PCDH11X: variants seen among roughly 807,000 people sequenced by gnomAD.
PCDH11X encodes protocadherin 11 X-linked.
A neutral mutation model predicts 53.3 loss-of-function variants in PCDH11X; 18 were observed. The observed-to-expected ratio is 0.34, with a 90% CI of 0.23 to 0.50. The LOEUF (loss-of-function observed/expected upper bound fraction) is 0.50. Ranked by LOEUF, PCDH11X falls within the 20% of genes least tolerant of loss-of-function variation. The pLI, the probability that PCDH11X is intolerant of heterozygous loss-of-function variation, is 0.98. For missense variants in PCDH11X, 570 were observed against 1,032.4 expected (o/e 0.55, Z 6.14); for synonymous variants, 279 against 393.3 (o/e 0.71, Z 3.44).
chrX:91,804,956 C>T (rs1165808469), intron 1 of PCDH11X, among the ~76,000 whole-genome samples: 1 of 100,516 alleles, frequency 9.9e-6, no homozygotes, highest in Non-Finnish European at 2.0e-5. Context: ...AGGAAAAATA[C>T]TCATTTCCAT....
chrX:92,479,748 T>A (rs1456081307), intron 10 of PCDH11X, among the ~76,000 whole-genome samples: 1 of 107,013 alleles, frequency 9.3e-6, no homozygotes, highest in Non-Finnish European at 1.9e-5. Context: ...GGTTCTCTTT[T>A]TAGGTGACCT....
At chrX:92,104,234 G>A (rs902534503) in intron 6 of PCDH11X, among the ~76,000 whole-genome samples, 4 of 110,418 alleles carry the variant, frequency 3.6e-5, no homozygotes, top group African/African-American at 1.3e-4. Flanking sequence ...AAGATTATAG[G>A]GTGGAGGAGT....
intron 7 of PCDH11X, among the ~76,000 whole-genome samples, chrX:92,255,336 A>C (rs2067550105): frequency 1.1e-5 from 1 of 94,836 alleles, no homozygotes; most frequent in South Asian, 5.6e-4. Flanking sequence ...CTAGTTATAC[A>C]TTCTTCTAAA....
intron 6 of PCDH11X, among the ~76,000 whole-genome samples, chrX:92,092,040 A>G (rs1206544467): frequency 2.7e-5 from 3 of 111,401 alleles, no homozygotes; most frequent in Non-Finnish European, 5.6e-5. Context: ...CTTCCTTGTT[A>G]TTCCCGAGTC....
intron 6 of PCDH11X, among the ~76,000 whole-genome samples, chrX:92,056,924 T>C (rs1332989818): frequency 1.8e-5 from 2 of 108,562 alleles, no homozygotes; most frequent in African/African-American, 3.3e-5. Context: ...TTATGTGCAT[T>C]TATATTATTA....
chrX:91,824,905 C>A (rs1334363785), intron 4 of PCDH11X, among the ~76,000 whole-genome samples: 1 of 107,184 alleles, frequency 9.3e-6, no homozygotes, highest in African/African-American at 3.7e-5. Context: ...ACAGGACCCT[C>A]AGCTGCAGGT....
intron 8 of PCDH11X, among the ~76,000 whole-genome samples, chrX:92,341,842 C>T (rs189384180): frequency 1.6e-4 from 18 of 111,579 alleles, no homozygotes; most frequent in East Asian, 5.7e-4. Context: ...CAAGTGTGAC[C>T]GAATTAAACT....
chrX:92,558,100 T>C (rs1342030671), intron 10 of PCDH11X, among the ~76,000 whole-genome samples: 2 of 110,806 alleles, frequency 1.8e-5, no homozygotes, highest in Non-Finnish European at 3.8e-5. Flanking sequence ...TCCCACAGCA[T>C]ATGGAGATTA....
chrX:92,609,355 A>G (rs1927128164), intron 10 of PCDH11X, among the ~76,000 whole-genome samples: 1 of 111,585 alleles, frequency 9.0e-6, no homozygotes, highest in Admixed American at 9.5e-5. Flanking sequence ...TCCCTGTGCC[A>G]TTCTGTGTCA....
At chrX:91,936,855 A>C (rs1423246963) in intron 6 of PCDH11X, among the ~76,000 whole-genome samples, 3 of 107,306 alleles carry the variant, frequency 2.8e-5, no homozygotes, top group African/African-American at 1.0e-4. Context: ...ATATTCAATG[A>C]GGATGCTTAT....
At chrX:92,099,604 G>T (rs899006615) in intron 6 of PCDH11X, among the ~76,000 whole-genome samples, 1 of 111,852 alleles carries the variant, frequency 8.9e-6, no homozygotes, top group Admixed American at 9.6e-5. Flanking sequence ...TAAAAATGGA[G>T]AAAGAATAAG....
chrX:92,036,178 G>T (rs2063123112), intron 6 of PCDH11X, among the ~76,000 whole-genome samples: 3 of 101,403 alleles, frequency 3.0e-5, no homozygotes, highest in Admixed American at 2.3e-4. Flanking sequence ...CCTTTGGTGA[G>T]AATATGTTTT....
intron 5 of PCDH11X, among the ~76,000 whole-genome samples, chrX:91,851,252 T>C (rs1415309209): frequency 8.9e-6 from 1 of 111,824 alleles, no homozygotes; most frequent in Non-Finnish European, 1.9e-5. Context: ...ATATTAAAAT[T>C]ACCTGTAAAA....
chrX:92,477,681 A>T lies in PCDH11X; in HGVS notation c.3367+9359A>T, dbSNP rs1381267888. On this transcript the variant is annotated intron_variant, in intron 10 of 10. Coordinates refer to ENST00000682573, the MANE Select transcript of PCDH11X (RefSeq NM_032968.5). ...TCAGAGGGAGTCTTGCCCCCTACAC[A>T]CACAGCAGGAAATGTGCTGATTGTA... 1.1e-3 allele frequency among the ~76,000 whole-genome samples: 106 copies of T among 98,769 alleles called. 1 individual carries two copies. The highest frequency in any genetic ancestry group is 1.9e-3 in the Non-Finnish European group (92 of 49,432). The allele number at this position is 98,769 out of a possible 115,157, so 85.8% of individuals were successfully genotyped here.
Position 92,158,157 on chromosome X carries a change from C to T in PCDH11X, c.3034-43218C>T, listed in dbSNP as rs767840798. 5.6e-4 allele frequency among the ~76,000 whole-genome samples: 62 copies of T among 110,836 alleles called. No homozygotes were observed. The Middle Eastern group carries it at 0.014, about 25-fold the overall frequency. ...CCTGAACTGGGGAGGCAGAGGTTGC[C>T]GTAAGCTGAGATTGTGCCACTGCAC... On this transcript the variant is annotated intron_variant, in intron 6 of 10. Transcript: ENST00000682573.
intron 6 of PCDH11X, among the ~76,000 whole-genome samples, chrX:92,187,675 G>A (rs7881327): frequency 0.16 from 17,853 of 111,018 alleles, 1,480 homozygotes; most frequent in Non-Finnish European, 0.25. Flanking sequence ...AGATGGTTGA[G>A]GTTTTCGTTT....
At chrX:92,167,906 T>A (rs143517403) in intron 6 of PCDH11X, among the ~76,000 whole-genome samples, 1,273 of 110,458 alleles carry the variant, frequency 0.012, 18 homozygotes, top group African/African-American at 0.04. Context: ...AAGATAGCCT[T>A]GCTGATATGA....
At chrX:92,502,258 T>C (rs1393180967) in intron 10 of PCDH11X, among the ~76,000 whole-genome samples, 1 of 110,088 alleles carries the variant, frequency 9.1e-6, no homozygotes, top group Admixed American at 9.7e-5. Flanking sequence ...GGCTCATGGA[T>C]AGGAAGAATC....
intron 10 of PCDH11X, among the ~76,000 whole-genome samples, chrX:92,546,961 T>C (rs2148745188): frequency 9.0e-6 from 1 of 111,326 alleles, no homozygotes; most frequent in South Asian, 3.8e-4. Flanking sequence ...TCACTGTGTC[T>C]TTGCAACACG....
Sources: gnomAD v4.1 joint callset for allele counts (sites outside exome capture counted in the v4.1 genomes callset) on GRCh38, gnomAD v4.1.1 for gene constraint, MANE v1.5 for transcripts, NCBI Gene and HGNC (gene_info 2026-07-23, HGNC 2026-07-21) for gene names.